Variants in PDE1A observed in about 807,000 individuals in gnomAD.
PDE1A encodes the protein dual specificity calcium/calmodulin-dependent 3',5'-cyclic nucleotide phosphodiesterase 1A.
A neutral mutation model predicts 61.7 loss-of-function variants in PDE1A; 35 were observed. The ratio of observed to expected loss-of-function variants is 0.57; its 90% CI spans 0.43 to 0.75. PDE1A has a LOEUF of 0.75. Ranked by LOEUF, PDE1A falls within the 30% of genes least tolerant of loss-of-function variation. The probability of loss-of-function intolerance (pLI) is 0.00; values close to 1 mark genes in which losing one functional copy is unlikely to be tolerated. For missense variants in PDE1A, 597 were observed against 630.6 expected (o/e 0.95, Z 0.57); for synonymous variants, 232 against 213.2 (o/e 1.09, Z -0.77).
At chr2:182,340,604 G>A (rs1698122992) in intron 1 of PDE1A, among the ~76,000 whole-genome samples, 3 of 152,152 alleles carry the variant, frequency 2.0e-5, no homozygotes, top group Admixed American at 2.0e-4. Context: ...AGGAAAAGTG[G>A]TTAAGAAAGG....
At chr2:182,149,531 C>A (rs149711540) in intron 13 of PDE1A, among the ~76,000 whole-genome samples, 1 of 152,154 alleles carries the variant, frequency 6.6e-6, no homozygotes. Context: ...GGAGTAGACA[C>A]GCAATTGCCA....
intron 2 of PDE1A, among the ~76,000 whole-genome samples, chr2:182,477,425 T>C (rs1271527006): frequency 6.6e-6 from 1 of 151,918 alleles, no homozygotes; most frequent in Non-Finnish European, 1.5e-5. Context: ...TCCATTTCAA[T>C]CAAGGCAAAT....
intron 13 of PDE1A, among the ~76,000 whole-genome samples, chr2:182,155,228 C>T (rs1336674843): frequency 6.6e-6 from 1 of 151,750 alleles, no homozygotes; most frequent in Non-Finnish European, 1.5e-5. Context: ...GCTGGAACTA[C>T]ACAAGCACAC....
intron 1 of PDE1A, among the ~76,000 whole-genome samples, chr2:182,342,710 C>A (rs1384507996): frequency 3.3e-5 from 5 of 152,146 alleles, no homozygotes; most frequent in East Asian, 1.9e-4. Context: ...CAAACACACA[C>A]AAAAAAACTA....
At chr2:182,477,751 A>G (rs1297137323) in intron 2 of PDE1A, among the ~76,000 whole-genome samples, 1 of 151,978 alleles carries the variant, frequency 6.6e-6, no homozygotes, top group Non-Finnish European at 1.5e-5. Context: ...CCAAAGATGC[A>G]TAAGATTGCA....
At chr2:182,633,768 G>GT in the PDE1A span, among the ~76,000 whole-genome samples, 1 of 151,910 alleles carries the variant, frequency 6.6e-6, no homozygotes, top group African/African-American at 2.4e-5. Context: ...CTCACAACAC[G>GT]TAAGTCCAAA....
intron 1 of PDE1A, among the ~76,000 whole-genome samples, chr2:182,359,022 T>C (rs1699354569): frequency 6.6e-6 from 1 of 152,030 alleles, no homozygotes; most frequent in South Asian, 2.1e-4. Flanking sequence ...TTCTTCCTTT[T>C]ATTCTTTCTT....
chr2:182,549,583 T>C, the PDE1A span, among the ~76,000 whole-genome samples: 1 of 152,130 alleles, frequency 6.6e-6, no homozygotes, highest in African/African-American at 2.4e-5. Context: ...CAAATGCCTT[T>C]TTCTGTCTAG....
the PDE1A span, among the ~76,000 whole-genome samples, chr2:182,605,093 C>G: frequency 6.6e-6 from 1 of 150,612 alleles, no homozygotes; most frequent in African/African-American, 2.4e-5. Context: ...GATTTTAAAA[C>G]CACTCACCTA....
At chr2:182,415,244 A>G (rs1401112926) in intron 1 of PDE1A, among the ~76,000 whole-genome samples, 4 of 152,156 alleles carry the variant, frequency 2.6e-5, no homozygotes, top group Non-Finnish European at 5.9e-5. Flanking sequence ...TTTTCTCTTC[A>G]GAAAATAAAT....
intron 1 of PDE1A, among the ~76,000 whole-genome samples, chr2:182,380,370 C>T (rs62190197): frequency 6.6e-6 from 1 of 152,066 alleles, no homozygotes; most frequent in South Asian, 2.1e-4. Flanking sequence ...TCTCGGCCTC[C>T]CAAAGTGCTG....
At chr2:182,530,346 C>T in the PDE1A span, among the ~76,000 whole-genome samples, 3 of 58,218 alleles carry the variant, frequency 5.2e-5, no homozygotes, top group Non-Finnish European at 1.1e-4. Context: ...AGATGAAAAG[C>T]AGGGGGGTGG....
At chr2:182,704,211 G>GGAA in the PDE1A span, among the ~76,000 whole-genome samples, 1 of 120,200 alleles carries the variant, frequency 8.3e-6, no homozygotes, top group East Asian at 2.7e-4. Flanking sequence ...ACTCCGTCTG[G>GGAA]AAAAAAAAAA....
chr2:182,492,296 C>T (rs966467343), intron 2 of PDE1A, among the ~76,000 whole-genome samples: 1 of 152,148 alleles, frequency 6.6e-6, no homozygotes, highest in Non-Finnish European at 1.5e-5. Flanking sequence ...AACTCTCATA[C>T]TAGCTTTTAA....
chr2:182,504,437 T>G (rs1474664956), intron 2 of PDE1A, among the ~76,000 whole-genome samples: 1 of 152,176 alleles, frequency 6.6e-6, no homozygotes, highest in East Asian at 1.9e-4. Context: ...AAGAAATCAT[T>G]TTTAGTATTT....
In PDE1A at chr2:182,281,625, G is replaced by C. The variant is rs542944330; in HGVS notation, c.54-17211C>G. ...TCTATGTACACCATATTCAACACGT[G>C]CTTTTACAGCCAGAAGAGAACTGAA... On this transcript the variant is annotated intron_variant, in intron 1 of 13. Coordinates refer to ENST00000351439, the Ensembl canonical transcript of PDE1A. 5.3e-5 allele frequency among the ~76,000 whole-genome samples: 8 copies of C among 152,074 alleles called. No individual in the cohort carries two copies. The South Asian group carries it at 1.2e-3, about 24-fold the overall frequency.
chr2:182,391,447 C>T (rs1182627499), intron 1 of PDE1A, among the ~76,000 whole-genome samples: 1 of 152,162 alleles, frequency 6.6e-6, no homozygotes, highest in African/African-American at 2.4e-5. Flanking sequence ...GATCCAAAGG[C>T]TTAGGGAGAT....
intron 2 of PDE1A, among the ~76,000 whole-genome samples, chr2:182,472,939 T>C (rs893242885): frequency 1.4e-5 from 1 of 70,260 alleles, no homozygotes; most frequent in African/African-American, 5.5e-5. Flanking sequence ...AAAAATTTTA[T>C]TAATTTTTTT....
intron 1 of PDE1A, among the ~76,000 whole-genome samples, chr2:182,417,892 T>A (rs1703018764): frequency 6.6e-6 from 1 of 151,646 alleles, no homozygotes; most frequent in African/African-American, 2.4e-5. Context: ...AATGTCAATT[T>A]AAAAAAAAAT....
Sources: allele counts gnomAD v4.1 joint callset (sites outside exome capture counted in the v4.1 genomes callset), GRCh38; gene constraint gnomAD v4.1.1; transcripts MANE v1.5; gene names NCBI Gene and HGNC (gene_info 2026-07-23, HGNC 2026-07-21).